BRINP2: variants seen among roughly 807,000 people sequenced by gnomAD.
The protein encoded by BRINP2 is BMP/retinoic acid inducible neural specific 2.
Under a neutral mutation model 69.2 loss-of-function variants are expected in BRINP2, and 21 were observed. The ratio of observed to expected loss-of-function variants is 0.30; its 90% CI spans 0.22 to 0.44. BRINP2 has a LOEUF of 0.44. Among genes scored for constraint, BRINP2 ranks in the 20% least tolerant of loss-of-function variants. BRINP2 has a pLI of 1.00. For missense variants in BRINP2, 877 were observed against 986.0 expected (o/e 0.89, Z 1.48); for synonymous variants, 380 against 394.1 (o/e 0.96, Z 0.42).
chr1:177,197,645 A>C (rs1241914448), intron 1 of BRINP2, among the ~76,000 whole-genome samples: 1 of 152,150 alleles, frequency 6.6e-6, no homozygotes. Context: ...AATAAATTTC[A>C]GTTGTTTAAA....
chr1:177,181,919 C>G (rs1337332470), intron 1 of BRINP2, among the ~76,000 whole-genome samples: 1 of 152,312 alleles, frequency 6.6e-6, no homozygotes, highest in African/African-American at 2.4e-5. Flanking sequence ...ATTCTTGCCC[C>G]GGAGGTTGCC....
chr1:177,186,441 C>T (rs1476667993), intron 1 of BRINP2, among the ~76,000 whole-genome samples: 1 of 152,090 alleles, frequency 6.6e-6, no homozygotes, highest in Non-Finnish European at 1.5e-5. Flanking sequence ...TTTGCACCAA[C>T]CTAAAACGTT....
intron 1 of BRINP2, among the ~76,000 whole-genome samples, chr1:177,217,885 C>T (rs1649423365): frequency 6.6e-6 from 1 of 152,226 alleles, no homozygotes; most frequent in Admixed American, 6.5e-5. Context: ...TCTTGTCTGG[C>T]AGGGCCACAG....
intron 1 of BRINP2, among the ~76,000 whole-genome samples, chr1:177,198,324 A>G (rs1158931182): frequency 6.6e-6 from 1 of 152,198 alleles, no homozygotes; most frequent in African/African-American, 2.4e-5. Context: ...AGAACTGGAG[A>G]GGAAAGGAAG....
At chr1:177,276,890 A>T (rs1228791204) in intron 6 of BRINP2, among the ~76,000 whole-genome samples, 1 of 152,088 alleles carries the variant, frequency 6.6e-6, no homozygotes, top group East Asian at 1.9e-4. Flanking sequence ...ATTCAAGAGA[A>T]CTGGTTTTGC....
At chr1:177,215,483 T>A (rs1483684882) in intron 1 of BRINP2, among the ~76,000 whole-genome samples, 1 of 152,168 alleles carries the variant, frequency 6.6e-6, no homozygotes, top group Admixed American at 6.5e-5. Flanking sequence ...CTTGATTCCT[T>A]TTTTAGAAAT....
At chr1:177,218,539 TTACC>T (rs1307274549) in intron 1 of BRINP2, among the ~76,000 whole-genome samples, 1 of 152,232 alleles carries the variant, frequency 6.6e-6, no homozygotes, top group East Asian at 1.9e-4. Flanking sequence ...GACTTTGTTT[TTACC>T]TGACCCCAGA....
chr1:177,230,288 A>G (rs938038088), intron 2 of BRINP2, 143 bp downstream of exon 2: 1 of 884,832 alleles, frequency 1.1e-6, no homozygotes, highest in South Asian at 2.4e-5. Flanking sequence ...AACACCAGGC[A>G]GGGAAAATAA....
intron 1 of BRINP2, among the ~76,000 whole-genome samples, chr1:177,208,683 C>T (rs1649131211): frequency 6.6e-6 from 1 of 151,810 alleles, no homozygotes; most frequent in African/African-American, 2.4e-5. Flanking sequence ...CCTTAATGAA[C>T]AGGTAAGATT....
intron 1 of BRINP2, among the ~76,000 whole-genome samples, chr1:177,180,968 C>A (rs754294442): frequency 1.2e-4 from 19 of 152,286 alleles, no homozygotes; most frequent in Non-Finnish European, 1.9e-4. Flanking sequence ...TGAATGAGCG[C>A]CTGCTGTGTG....
intron 1 of BRINP2, among the ~76,000 whole-genome samples, chr1:177,201,906 ACTT>A (rs1469087961): frequency 1.3e-5 from 2 of 152,120 alleles, no homozygotes; most frequent in African/African-American, 4.8e-5. Flanking sequence ...CAGAGATTCA[ACTT>A]CTTCCTGGTT....
At chr1:177,185,729 C>G (rs900096791) in intron 1 of BRINP2, among the ~76,000 whole-genome samples, 4 of 152,142 alleles carry the variant, frequency 2.6e-5, no homozygotes, top group African/African-American at 9.7e-5. Context: ...TCATAATTCC[C>G]TAGAGATTAC....
intron 1 of BRINP2, among the ~76,000 whole-genome samples, chr1:177,211,681 T>A (rs1649226169): frequency 6.6e-6 from 1 of 152,236 alleles, no homozygotes; most frequent in Non-Finnish European, 1.5e-5. Flanking sequence ...CACTGGATCC[T>A]ATCAGCTGGC....
chr1:177,194,679 A>G (rs1648688660), intron 1 of BRINP2, among the ~76,000 whole-genome samples: 1 of 152,112 alleles, frequency 6.6e-6, no homozygotes, highest in Admixed American at 6.5e-5. Flanking sequence ...GACTAAGAAG[A>G]TTTAACTCTC....
chr1:177,248,468 T>TGTGCGTGTGTGTGTGTGTGTGC, intron 2 of BRINP2, among the ~76,000 whole-genome samples: 1 of 150,704 alleles, frequency 6.6e-6, no homozygotes, highest in Non-Finnish European at 1.5e-5. Context: ...TGCGTGTGTG[T>TGTGCGTGTGTGTGTGTGTGTGC]GTGCGTGTGT....
intron 1 of BRINP2, among the ~76,000 whole-genome samples, chr1:177,177,544 T>C (rs140518508): frequency 1.3e-5 from 2 of 152,310 alleles, no homozygotes; most frequent in Admixed American, 1.3e-4. Flanking sequence ...GTGGGATGGT[T>C]ATTAACTCCA....
chr1:177,247,761 TTCCCCACAGTA>T (rs1650430132), intron 2 of BRINP2, among the ~76,000 whole-genome samples: 1 of 152,228 alleles, frequency 6.6e-6, no homozygotes, highest in Admixed American at 6.5e-5. Flanking sequence ...GCCTTAAGAC[TTCCCCACAGTA>T]TCTCAATTCT....
chr1:177,202,049 C>T (rs1648929597), intron 1 of BRINP2, among the ~76,000 whole-genome samples: 1 of 151,996 alleles, frequency 6.6e-6, no homozygotes, highest in South Asian at 2.1e-4. Context: ...TGGTGATATC[C>T]CCTTTGTCAT....
chr1:177,281,067 T>C lies in BRINP2; in HGVS notation c.1891T>C (p.Leu631=). 1 of 1,614,162 alleles carries C rather than the reference T, an allele frequency of 6.2e-7. No individual in the cohort carries two copies. Among genetic ancestry groups the C allele is most frequent in the African/African-American group, 1.3e-5 (1 of 75,038 alleles). ...AAQCQNWTIT[L]GNRWKTFFET... ...CCAGTGCCAAAACTGGACTATCACC[T>C]TGGGGAATAGGTGGAAGACTTTCTT... Residue 631 remains leucine, a synonymous_variant, in exon 8 of 8, where the codon TTG becomes CTG. Coordinates refer to ENST00000361539, the MANE Select transcript of BRINP2 (RefSeq NM_021165.4).
Sources: allele counts gnomAD v4.1 joint callset (sites outside exome capture counted in the v4.1 genomes callset), GRCh38; gene constraint gnomAD v4.1.1; transcripts MANE v1.5; gene names NCBI Gene and HGNC (gene_info 2026-07-23, HGNC 2026-07-21).